ADAM12: variants seen among roughly 807,000 people sequenced by gnomAD.
ADAM12 encodes disintegrin and metalloproteinase domain-containing protein 12.
A neutral mutation model predicts 106.4 loss-of-function variants in ADAM12; 70 were observed. The ratio of observed to expected loss-of-function variants is 0.66; its 90% CI spans 0.54 to 0.80. The LOEUF is 0.80. ADAM12 is among the 30% of genes least tolerant of loss of function. ADAM12 has a pLI of 0.00. For missense variants in ADAM12, 1,010 were observed against 1,171.9 expected (o/e 0.86, Z 2.02); for synonymous variants, 420 against 433.5 (o/e 0.97, Z 0.39).
Position 126,269,782 on chromosome 10 carries a change from C to T in ADAM12, c.260+9133G>A, listed in dbSNP as rs149543534. On this transcript the variant is annotated intron_variant, in intron 3 of 22. Coordinates refer to ENST00000448723, the MANE Select transcript of ADAM12 (RefSeq NM_001288973.2). ...TGTAATGAAATGTGGAACTCCATCT[C>T]CATCTCAAATGCCCTCTCTCATTCT... is the stretch of plus-strand genomic sequence containing the variant. Among the ~76,000 whole-genome samples, 25 of 152,306 alleles carry T rather than the reference C, an allele frequency of 1.6e-4. No individual in the cohort carries two copies. The East Asian group carries it at 4.5e-3, about 27-fold the overall frequency.
In ADAM12 at chr10:126,020,717, G is replaced by A. The variant is rs919549057; in HGVS notation, c.2530-892C>T. Among the ~76,000 whole-genome samples, 16 of 152,250 alleles carry A rather than the reference G, an allele frequency of 1.1e-4. 1 individual carries two copies. The highest frequency in any genetic ancestry group is 1.3e-4 in the Non-Finnish European group (9 of 68,014). On this transcript the variant is annotated intron_variant, in intron 21 of 22. Transcript: ENST00000448723. ...AGAAATAGAAGAAAAACGGCGGGGC[G>A]TGGTAGCTCATGCCTGTAACTCCAG...
At chr10:126,215,149 C>T (rs536418619) in intron 3 of ADAM12, among the ~76,000 whole-genome samples, 2 of 152,222 alleles carry the variant, frequency 1.3e-5, no homozygotes, top group African/African-American at 4.8e-5. Flanking sequence ...GTGAGGGGCA[C>T]TCAGCTGTGG....
At chr10:126,277,071 A>C (rs762263185) in intron 3 of ADAM12, among the ~76,000 whole-genome samples, 1 of 152,230 alleles carries the variant, frequency 6.6e-6, no homozygotes, top group Non-Finnish European at 1.5e-5. Flanking sequence ...ACAGACTGTG[A>C]TATCAACTAA....
At chr10:126,349,282 G>C (rs1347325246) in intron 1 of ADAM12, among the ~76,000 whole-genome samples, 2 of 152,180 alleles carry the variant, frequency 1.3e-5, no homozygotes, top group Non-Finnish European at 2.9e-5. Flanking sequence ...GTTTCATTCA[G>C]GGGCCCACAT....
At chr10:126,139,191 C>T (rs2886677) in intron 4 of ADAM12, among the ~76,000 whole-genome samples, 75,751 of 151,866 alleles carry the variant, frequency 0.5, 19,350 homozygotes, top group Non-Finnish European at 0.57. Flanking sequence ...TAATAAACCG[C>T]TTGCCTATTC....
At chr10:126,240,485 C>T (rs758917932) in intron 3 of ADAM12, among the ~76,000 whole-genome samples, 1 of 152,216 alleles carries the variant, frequency 6.6e-6, no homozygotes, top group Non-Finnish European at 1.5e-5. Context: ...AGTGCAGAAT[C>T]ATAAATGAGG....
intron 3 of ADAM12, among the ~76,000 whole-genome samples, chr10:126,226,181 G>A (rs560920395): frequency 2.0e-5 from 3 of 150,418 alleles, no homozygotes; most frequent in Admixed American, 2.0e-4. Context: ...CCTGGGGAAA[G>A]GTGGTGGTGG....
intron 3 of ADAM12, among the ~76,000 whole-genome samples, chr10:126,177,058 G>GCA (rs1277675986): frequency 8.5e-6 from 1 of 117,478 alleles, no homozygotes; most frequent in Non-Finnish European, 1.8e-5. Context: ...ACACACACAC[G>GCA]CACACACACA....
In ADAM12 at chr10:126,329,452, T is replaced by C. The variant is rs368030492; in HGVS notation, c.186+960A>G. On this transcript the variant is annotated intron_variant, in intron 2 of 22. Coordinates refer to ENST00000448723, the MANE Select transcript of ADAM12 (RefSeq NM_001288973.2). ...TAGCATGATGGAATTTTCTTTAATA[T>C]CTTAAGTTTTTCTTCCAGAAAATAT... Among the ~76,000 whole-genome samples, 9 of 152,334 alleles carry C rather than the reference T, an allele frequency of 5.9e-5. 1 individual carries two copies. The highest frequency in any genetic ancestry group is 1.9e-4 in the African/African-American group (8 of 41,582).
At chr10:126,251,743 G>C (rs545466869) in intron 3 of ADAM12, among the ~76,000 whole-genome samples, 26 of 151,822 alleles carry the variant, frequency 1.7e-4, no homozygotes, top group African/African-American at 6.3e-4. Flanking sequence ...GGATATGATG[G>C]ATAGATTGGA....
intron 8 of ADAM12, among the ~76,000 whole-genome samples, chr10:126,108,257 G>A (rs1022134151): frequency 5.3e-5 from 8 of 152,146 alleles, no homozygotes; most frequent in African/African-American, 9.7e-5. Flanking sequence ...GGAGAGGCCC[G>A]GCTCAGGAGG....
intron 3 of ADAM12, among the ~76,000 whole-genome samples, chr10:126,233,004 A>T (rs546371514): frequency 5.8e-4 from 89 of 152,158 alleles, no homozygotes; most frequent in African/African-American, 2.1e-3. Context: ...TTTCTATTGC[A>T]TTTGGGGTGT....
rs377181691 is a variant in ADAM12 at position 126,191,746 on chromosome 10, C to T, written c.261-36441G>A. Among the ~76,000 whole-genome samples the T allele has an allele frequency of 8.5e-5, 13 of 152,286 alleles. 1 individual carries two copies. Among genetic ancestry groups the T allele is most frequent in the African/African-American group, 3.1e-4 (13 of 41,546 alleles). ...AGTAGAACTCGGGAGCCAGCAAGCT[C>T]GAATTTAAATCTTGGCTCTACTAAT... On this transcript the variant is annotated intron_variant, in intron 3 of 22. Coordinates refer to ENST00000448723, the MANE Select transcript of ADAM12 (RefSeq NM_001288973.2).
intron 16 of ADAM12, among the ~76,000 whole-genome samples, chr10:126,047,840 C>T (rs1274524922): frequency 2.0e-5 from 3 of 152,184 alleles, no homozygotes; most frequent in African/African-American, 7.2e-5. Flanking sequence ...GACACATGCA[C>T]TCATATGTTC....
At chr10:126,076,045 C>A (rs1301545571) in intron 11 of ADAM12, among the ~76,000 whole-genome samples, 2 of 152,058 alleles carry the variant, frequency 1.3e-5, no homozygotes, top group Non-Finnish European at 2.9e-5. Flanking sequence ...AGCATAGTAC[C>A]CAATAGGTGG....
chr10:126,069,490 A>G (rs1487155115), intron 12 of ADAM12, among the ~76,000 whole-genome samples: 1 of 152,230 alleles, frequency 6.6e-6, no homozygotes, highest in Non-Finnish European at 1.5e-5. Context: ...GTAATAATCA[A>G]AGCTACCCTA....
At chr10:126,233,675 T>C (rs7095963) in intron 3 of ADAM12, among the ~76,000 whole-genome samples, 6,112 of 152,236 alleles carry the variant, frequency 0.04, 319 homozygotes, top group African/African-American at 0.12. Context: ...GGGAGCTTTC[T>C]GCACTCGTGG....
At chr10:126,235,421 G>C (rs1958394444) in intron 3 of ADAM12, among the ~76,000 whole-genome samples, 1 of 152,224 alleles carries the variant, frequency 6.6e-6, no homozygotes, top group East Asian at 1.9e-4. Context: ...GGCTCTGGGA[G>C]AGATGAGAAC....
chr10:126,081,180 C>T (rs1244444675), intron 11 of ADAM12, among the ~76,000 whole-genome samples: 3 of 152,126 alleles, frequency 2.0e-5, no homozygotes, highest in African/African-American at 7.2e-5. Context: ...AGGTTCCCCA[C>T]CTCCAAGCTC....
Sources: allele counts gnomAD v4.1 joint callset (sites outside exome capture counted in the v4.1 genomes callset), GRCh38; gene constraint gnomAD v4.1.1; transcripts MANE v1.5; gene names NCBI Gene and HGNC (gene_info 2026-07-23, HGNC 2026-07-21).